The following ZDHHC13 variants were observed in gnomAD, a reference collection of about 807,000 sequenced individuals.
The protein encoded by ZDHHC13 is palmitoyltransferase ZDHHC13.
Under a neutral mutation model 86.0 loss-of-function variants are expected in ZDHHC13, and 85 were observed. The ratio of observed to expected loss-of-function variants is 0.99; its 90% CI spans 0.83 to 1.18. The LOEUF (loss-of-function observed/expected upper bound fraction) is 1.18, where lower values mean the gene tolerates loss of function less well. Among genes scored for constraint, ZDHHC13 ranks in the 50% most tolerant of loss-of-function variants. The pLI, the probability that ZDHHC13 is intolerant of heterozygous loss-of-function variation, is 0.00. For missense variants in ZDHHC13, 711 were observed against 730.2 expected, an observed-to-expected ratio of 0.97 and a Z score of 0.30; for synonymous variants, 263 against 246.4, an observed-to-expected ratio of 1.07 and a Z score of -0.63.
At chr11:19,125,452 C>T (rs1848853092) in intron 1 of ZDHHC13, among the ~76,000 whole-genome samples, 1 of 152,180 alleles carries the variant, frequency 6.6e-6, no homozygotes, top group South Asian at 2.1e-4. Context: ...ATTAGACTGA[C>T]AATCCCAAGT....
Position 19,132,879 on chromosome 11 carries a change from G to A in ZDHHC13, c.28-10099G>A, listed in dbSNP as rs76670921. ...TTTCTAGGTTTCTTTATTATAGCAA[G>A]AAAGCAAGAGGTTAAGTGCAATCCT... is the stretch of plus-strand genomic sequence containing the variant. On this transcript the variant is annotated intron_variant, in intron 1 of 16. Coordinates refer to ENST00000446113, the MANE Select transcript of ZDHHC13 (RefSeq NM_019028.3). Among the ~76,000 whole-genome samples, 1,039 of 152,192 alleles carry A rather than the reference G, an allele frequency of 6.8e-3. 9 individuals are homozygous for A. Among genetic ancestry groups the A allele is most frequent in the African/African-American group, 0.024 (981 of 41,532 alleles).
chr11:19,152,017 A>T lies in ZDHHC13; in HGVS notation c.585-141A>T, dbSNP rs974086511. The T allele has an allele frequency of 3.8e-6, 3 of 784,170 alleles. No individual in the cohort carries two copies. The East Asian group carries it at 7.9e-5, about 21-fold the overall frequency. 48.6% of individuals were successfully genotyped at this position (784,170 alleles called of 1,614,324 possible). Reference sequence around the variant, plus strand: ...CCTATTAGTACCTAGAATAGAACTCAGTACAAAGAAGTTTCTCAGTTCTGA... The same window carrying T: ...CCTATTAGTACCTAGAATAGAACTCTGTACAAAGAAGTTTCTCAGTTCTGA... On this transcript the variant is annotated intron_variant, in intron 6 of 16. Transcript: ENST00000446113.
chr11:19,163,364 TTTC>T lies in ZDHHC13; in HGVS notation c.1172_1174del (p.Phe391del). On this transcript the variant is annotated inframe_deletion, in exon 11 of 17. Coordinates refer to ENST00000446113, the MANE Select transcript of ZDHHC13 (RefSeq NM_019028.3). The stretch of plus-strand genomic sequence containing the variant: ...TCAGCATAGTAGCCTTTCTATACTT[TTTC>T]TATAAGACTTGGGCAACTGATCCAG... 1 of 1,608,938 alleles carries T rather than the reference TTTC, an allele frequency of 6.2e-7. No homozygotes were observed. Among genetic ancestry groups the T allele is most frequent in the South Asian group, 1.1e-5 (1 of 90,104 alleles).
rs1348087285 is a variant in ZDHHC13, at chr11:19,143,895, AAC to A, written c.173+774_173+775del. Among the ~76,000 whole-genome samples, 30 of 152,338 alleles carry A rather than the reference AAC, an allele frequency of 2.0e-4. No homozygotes were observed. The South Asian group carries it at 2.5e-3, about 13-fold the overall frequency. On this transcript the variant is annotated intron_variant, in intron 2 of 16. Transcript: ENST00000446113. ...TATTAATCCATTTTTGTAGTAATCA[AAC>A]ATAAATCTGCCCAGCAGATTGCCCA...
chr11:19,173,528 A>G (rs1274464236), intron 16 of ZDHHC13, among the ~76,000 whole-genome samples: 2 of 152,116 alleles, frequency 1.3e-5, no homozygotes, highest in African/African-American at 4.8e-5. Flanking sequence ...TGAGCAGTCT[A>G]TTTTAAAGCA....
intron 15 of ZDHHC13, 56 bp from the exon 16 acceptor site, chr11:19,172,667 T>C: frequency 1.5e-6 from 2 of 1,376,176 alleles, no homozygotes; most frequent in South Asian, 2.7e-5. Context: ...TATATTGTTT[T>C]ATTTATCTAA....
chr11:19,137,660 C>G (rs1849181665), intron 1 of ZDHHC13, among the ~76,000 whole-genome samples: 1 of 152,154 alleles, frequency 6.6e-6, no homozygotes. Context: ...TGACCACATA[C>G]TTGGAAGTAA....
At chr11:19,169,673 T>C in intron 14 of ZDHHC13, 2 of 985,496 alleles carry the variant, frequency 2.0e-6, no homozygotes, top group Non-Finnish European at 2.4e-6. Flanking sequence ...GAAGATCCGT[T>C]CCCTTGTTTC....
chr11:19,174,989 G>A (rs1314103520), intron 16 of ZDHHC13, among the ~76,000 whole-genome samples: 1 of 152,188 alleles, frequency 6.6e-6, no homozygotes, highest in Non-Finnish European at 1.5e-5. Flanking sequence ...TGATTGGGAG[G>A]TGAGGGGCTA....
Position 19,142,973 on chromosome 11 carries a change from T to C in ZDHHC13, c.28-5T>C. Reference sequence around the variant, plus strand: ...ATGCTTTGTCAAATGACTCTTACTCTTCAGTGCAGGAATCACAGCCATGGC... The same window carrying C: ...ATGCTTTGTCAAATGACTCTTACTCCTCAGTGCAGGAATCACAGCCATGGC... On this transcript the variant is annotated splice_region_variant and splice_polypyrimidine_tract_variant and intron_variant, in intron 1 of 16. Coordinates refer to ENST00000446113, the MANE Select transcript of ZDHHC13 (RefSeq NM_019028.3). 6.2e-7 allele frequency: 1 copy of C among 1,602,270 alleles called. No homozygotes were observed. Among genetic ancestry groups the C allele is most frequent in the Non-Finnish European group, 8.5e-7 (1 of 1,173,536 alleles).
At chr11:19,122,656 A>G (rs1848781362) in intron 1 of ZDHHC13, among the ~76,000 whole-genome samples, 1 of 152,206 alleles carries the variant, frequency 6.6e-6, no homozygotes, top group Non-Finnish European at 1.5e-5. Context: ...AATAAATGAG[A>G]CTGCCATCGT....
At chr11:19,148,003 A>T (rs1849515227) in intron 4 of ZDHHC13, among the ~76,000 whole-genome samples, 2 of 152,220 alleles carry the variant, frequency 1.3e-5, no homozygotes, top group South Asian at 4.1e-4. Flanking sequence ...ATGTCTATTT[A>T]GAAATTTACG....
At chr11:19,134,841 G>C (rs1447542608) in intron 1 of ZDHHC13, among the ~76,000 whole-genome samples, 3 of 151,878 alleles carry the variant, frequency 2.0e-5, no homozygotes, top group African/African-American at 7.3e-5. Flanking sequence ...ATATATCCCA[G>C]AACTTAAAGC....
chr11:19,117,194 G>T lies in ZDHHC13; in HGVS notation c.-56G>T. 6.5e-7 allele frequency: 1 copy of T among 1,526,978 alleles called. No homozygotes were observed. 94.6% of individuals were successfully genotyped at this position (1,526,978 alleles called of 1,614,324 possible). On this transcript the variant is annotated 5_prime_UTR_variant, in exon 1 of 17. Transcript: ENST00000446113. The surrounding 1 kb of genome is among the most constrained non-coding windows in gnomAD (Gnocchi z 4.2). Reference sequence around the variant, plus strand: ...GAGGCGACCCAAGGCGGGCTGGCGGGCTGGCGGCAGTCGCTACTTGCCTAG... The same window carrying T: ...GAGGCGACCCAAGGCGGGCTGGCGGTCTGGCGGCAGTCGCTACTTGCCTAG...
rs1287472043 is a variant in ZDHHC13 at position 19,159,012 on chromosome 11, T to C, written c.1080T>C (p.Phe360=). 17 of 1,548,744 alleles carry C rather than the reference T, an allele frequency of 1.1e-5. No homozygotes were observed. Among genetic ancestry groups the C allele is most frequent in the Non-Finnish European group, 1.4e-5 (16 of 1,145,836 alleles). Residue 360 remains phenylalanine, a synonymous_variant, in exon 10 of 17, where the codon TTT becomes TTC. Coordinates refer to ENST00000446113, the MANE Select transcript of ZDHHC13 (RefSeq NM_019028.3). The stretch of plus-strand genomic sequence containing the variant: ...TGCTAAGTTCTGTTTTTTGGATATT[T>C]ATGACTTGGTTCATCTTATTTTTTC... The part of the protein sequence containing the change: ...AFLLSSVFWI[F]MTWFILFFPD...
chr11:19,119,521 C>T (rs1406774647), intron 1 of ZDHHC13, among the ~76,000 whole-genome samples: 1 of 152,172 alleles, frequency 6.6e-6, no homozygotes, highest in Non-Finnish European at 1.5e-5. Flanking sequence ...GCTTATTCCC[C>T]CACCTCTTTA....
At chr11:19,119,604 T>A (rs1193228985) in intron 1 of ZDHHC13, among the ~76,000 whole-genome samples, 1 of 152,134 alleles carries the variant, frequency 6.6e-6, no homozygotes, top group African/African-American at 2.4e-5. Flanking sequence ...GCCTTTTCCA[T>A]CATCAGCACT....
intron 1 of ZDHHC13, among the ~76,000 whole-genome samples, chr11:19,121,656 A>G (rs1047956534): frequency 6.6e-6 from 1 of 152,136 alleles, no homozygotes; most frequent in African/African-American, 2.4e-5. Context: ...TTACCTTAAC[A>G]TTGTAGGCAG....
In ZDHHC13 at chr11:19,164,354, A is replaced by C. The variant is rs760672944; in HGVS notation, c.1287A>C (p.Thr429=). The change falls in exon 12 of 17, where the codon ACA becomes ACC. Residue 429 remains threonine, a synonymous_variant. Coordinates refer to ENST00000446113, the MANE Select transcript of ZDHHC13 (RefSeq NM_019028.3). ...CTCTGGACTTCAGAACATTTTGTAC[A>C]TCATGTCTTGTGAGTTTTTTCATAT... The part of the protein sequence containing the change: ...TGSLDFRTFC[T]SCLIRKPLRS... 1 of 1,613,002 alleles carries C rather than the reference A, an allele frequency of 6.2e-7. No homozygotes were observed. The highest frequency in any genetic ancestry group is 1.1e-5 in the South Asian group (1 of 90,994).
Sources: gnomAD v4.1 joint callset for allele counts (sites outside exome capture counted in the v4.1 genomes callset) on GRCh38, gnomAD v4.1.1 for gene constraint, Gnocchi (gnomAD v3.1) non-coding constraint, MANE v1.5 for transcripts, NCBI Gene and HGNC (gene_info 2026-07-23, HGNC 2026-07-21) for gene names.